The following NEBL variants were observed in gnomAD, a reference collection of about 807,000 sequenced individuals.
The protein encoded by NEBL is nebulette.
A neutral mutation model predicts 140.2 loss-of-function variants in NEBL; 122 were observed. That is an observed-to-expected ratio of 0.87 (90% CI 0.75 to 1.01). NEBL has a LOEUF of 1.01. NEBL is among the 50% of genes least tolerant of loss of function. NEBL has a pLI of 0.00. For missense variants in NEBL, 1,365 were observed against 1,231.3 expected, an observed-to-expected ratio of 1.11 and a Z score of -1.62; for synonymous variants, 436 against 398.9, an observed-to-expected ratio of 1.09 and a Z score of -1.11.
intron 2 of NEBL, among the ~76,000 whole-genome samples, chr10:21,139,488 T>A (rs1210194845): frequency 6.6e-6 from 1 of 152,154 alleles, no homozygotes; most frequent in East Asian, 1.9e-4. Flanking sequence ...TGAAAATCCA[T>A]CGCATCTGAA....
At chr10:20,918,107 C>A (rs990436461) in intron 4 of NEBL, among the ~76,000 whole-genome samples, 4 of 152,066 alleles carry the variant, frequency 2.6e-5, no homozygotes, top group African/African-American at 9.7e-5. Context: ...GCCTGTAATC[C>A]CAGCACTTTG....
intron 3 of NEBL, among the ~76,000 whole-genome samples, chr10:20,983,736 C>T (rs2131669734): frequency 6.6e-6 from 1 of 152,292 alleles, no homozygotes; most frequent in East Asian, 1.9e-4. Context: ...TAGGCACAAA[C>T]TAATGAGACA....
At chr10:21,002,181 G>T (rs1837934967) in intron 3 of NEBL, among the ~76,000 whole-genome samples, 1 of 151,576 alleles carries the variant, frequency 6.6e-6, no homozygotes. Context: ...TTTTTATGGT[G>T]ATGAAACATT....
intron 13 of NEBL, among the ~76,000 whole-genome samples, chr10:20,838,231 G>A (rs1841080492): frequency 6.6e-6 from 1 of 152,198 alleles, no homozygotes; most frequent in Non-Finnish European, 1.5e-5. Context: ...AAGAAGATTA[G>A]TGATTCATGA....
At position 20,858,342 on chromosome 10, in the gene NEBL, C is replaced by A. The variant is rs1185944637; in HGVS notation, c.801G>T (p.Val267=). The change falls in exon 9 of 28, where the codon GTG becomes GTT. Residue 267 remains valine, a splice_region_variant and synonymous_variant. Coordinates refer to ENST00000377122, the MANE Select transcript of NEBL (RefSeq NM_006393.3). The stretch of plus-strand genomic sequence containing the variant: ...TATTTTGAATGTCTTTCTTGTACTT[C>A]ACCTATGAAAATAACATGGAACAAA... ...NQLAATLASN[V]KYKKDIQNMH... 1.3e-6 allele frequency: 2 copies of A among 1,584,308 alleles called. No individual in the cohort carries two copies. The highest frequency in any genetic ancestry group is 2.7e-5 in the African/African-American group (2 of 74,270).
rs536092056 is a variant in NEBL, at chr10:20,942,280, T to C, written c.357+19392A>G. 4.4e-3 allele frequency among the ~76,000 whole-genome samples: 672 copies of C among 152,172 alleles called. 3 individuals are homozygous for C. Among genetic ancestry groups the C allele is most frequent in the African/African-American group, 0.016 (644 of 41,496 alleles). ...AACAGAACAGAGCCCTCAGAAATAA[T>C]GCCGCATATCTACAACCATCTGTTC... is the stretch of plus-strand genomic sequence containing the variant. On this transcript the variant is annotated intron_variant, in intron 4 of 6. Coordinates refer to the NEBL transcript ENST00000417816.
At chr10:21,241,858 T>C (rs1222176384) in intron 3 of NEBL, among the ~76,000 whole-genome samples, 1 of 152,180 alleles carries the variant, frequency 6.6e-6, no homozygotes, top group Non-Finnish European at 1.5e-5. Context: ...GGGATTCCAT[T>C]TCTGTCTTAG....
At chr10:20,913,431 C>G (rs3802729) in intron 4 of NEBL, among the ~76,000 whole-genome samples, 18 of 152,098 alleles carry the variant, frequency 1.2e-4, no homozygotes, top group Admixed American at 4.6e-4. Context: ...TAATGGAATG[C>G]TTCATTAAAA....
chr10:21,290,651 A>G (rs1450800320), intron 1 of NEBL, among the ~76,000 whole-genome samples: 4 of 152,218 alleles, frequency 2.6e-5, no homozygotes, highest in Admixed American at 1.3e-4. Flanking sequence ...TTATCTACAT[A>G]ATAAGACAAC....
intron 1 of NEBL, among the ~76,000 whole-genome samples, chr10:21,282,318 C>T (rs895481070): frequency 2.0e-5 from 3 of 152,074 alleles, no homozygotes; most frequent in African/African-American, 4.8e-5. Flanking sequence ...TTTATTAGTA[C>T]CTACAATGCA....
At chr10:20,931,865 T>C (rs371862080) in intron 4 of NEBL, among the ~76,000 whole-genome samples, 30 of 152,298 alleles carry the variant, frequency 2.0e-4, no homozygotes, top group African/African-American at 6.0e-4. Context: ...ATAGGTCAAA[T>C]TCAAGCCAAA....
intron 3 of NEBL, among the ~76,000 whole-genome samples, chr10:21,197,223 A>G (rs1358257586): frequency 6.6e-6 from 1 of 152,244 alleles, no homozygotes; most frequent in Non-Finnish European, 1.5e-5. Context: ...GTTTAAACAT[A>G]CAGATGCCCA....
chr10:21,055,369 C>T (rs558723446), intron 2 of NEBL, among the ~76,000 whole-genome samples: 1 of 151,954 alleles, frequency 6.6e-6, no homozygotes, highest in Non-Finnish European at 1.5e-5. Context: ...ATTCACGCAC[C>T]CCAAAGGAAA....
At chr10:20,875,380 G>A (rs1364552085) in intron 5 of NEBL, among the ~76,000 whole-genome samples, 2 of 152,080 alleles carry the variant, frequency 1.3e-5, no homozygotes, top group Non-Finnish European at 2.9e-5. Context: ...TTTAAGACTG[G>A]AACTACATCC....
intron 3 of NEBL, among the ~76,000 whole-genome samples, chr10:20,992,049 C>T (rs1051366488): frequency 3.3e-5 from 5 of 152,086 alleles, no homozygotes; most frequent in African/African-American, 1.2e-4. Flanking sequence ...CATGTCTTTG[C>T]CATTGGGAAT....
intron 1 of NEBL, among the ~76,000 whole-genome samples, chr10:21,252,610 G>A (rs535243077): frequency 6.6e-6 from 1 of 152,174 alleles, no homozygotes; most frequent in Non-Finnish European, 1.5e-5. Context: ...TAAATATACA[G>A]AAAAGGGGCC....
At position 20,815,708 on chromosome 10, in the gene NEBL, T is replaced by A. The variant is rs1333431172; in HGVS notation, c.2158A>T (p.Arg720Ter). ...NQKNISNVYY[R>*]GQLGRATTLS... ...GTGGTAGCTCTTCCCAGCTGACCTC[T>A]GTAATAAACCTATCATTTCAGAGAA... Residue 720 changes from arginine to a stop codon, truncating the protein, a stop_gained, in exon 22 of 28, where the codon AGA becomes TGA. Coordinates refer to ENST00000377122, the MANE Select transcript of NEBL (RefSeq NM_006393.3). LOFTEE classifies it high-confidence loss of function. 1.0e-5 allele frequency: 16 copies of A among 1,599,752 alleles called. No individual in the cohort carries two copies. Among genetic ancestry groups the A allele is most frequent in the Non-Finnish European group, 1.4e-5 (16 of 1,167,184 alleles).
At chr10:21,029,963 A>G (rs67179) in intron 2 of NEBL, 339,172 of 541,278 alleles carry the variant, frequency 0.63, 107,038 homozygotes, top group East Asian at 0.74. Context: ...CGGGATGATT[A>G]TAGGTATAAT....
chr10:20,933,525 G>T (rs574554572), intron 4 of NEBL, among the ~76,000 whole-genome samples: 1 of 152,260 alleles, frequency 6.6e-6, no homozygotes, highest in Non-Finnish European at 1.5e-5. Flanking sequence ...CCTGAGGCCA[G>T]GAGTTCAAGA....
Sources: allele counts gnomAD v4.1 joint callset (sites outside exome capture counted in the v4.1 genomes callset), GRCh38; gene constraint gnomAD v4.1.1; transcripts MANE v1.5; gene names NCBI Gene and HGNC (gene_info 2026-07-23, HGNC 2026-07-21).